CPED1: variants seen among roughly 807,000 people sequenced by gnomAD.
CPED1 encodes cadherin like and PC-esterase domain containing 1, also known as cadherin-like and PC-esterase domain-containing protein 1.
A neutral mutation model predicts 128.2 loss-of-function variants in CPED1; 114 were observed. The observed-to-expected ratio is 0.89, with a 90% CI of 0.76 to 1.04. The LOEUF is 1.04. CPED1 is among the 50% of genes least tolerant of loss of function. The probability of loss-of-function intolerance (pLI) is 0.00; values close to 1 mark genes in which losing one functional copy is unlikely to be tolerated. For missense variants in CPED1, 1,211 were observed against 1,207.1 expected (o/e 1.00, Z -0.05); for synonymous variants, 462 against 426.7 (o/e 1.08, Z -1.02).
chr7:121,107,510 T>A (rs557728236), intron 7 of CPED1, among the ~76,000 whole-genome samples: 11 of 152,154 alleles, frequency 7.2e-5, no homozygotes, highest in Admixed American at 5.9e-4. Context: ...GAGAGAGAAA[T>A]GAATTAGAAT....
intron 14 of CPED1, 25 bp downstream of exon 14, chr7:121,136,115 G>A: frequency 6.5e-7 from 1 of 1,539,960 alleles, no homozygotes. Flanking sequence ...AAGTGTTGTA[G>A]CAGCATAATA....
At chr7:121,049,669 G>T (rs1379145497) in intron 4 of CPED1, among the ~76,000 whole-genome samples, 103 of 152,312 alleles carry the variant, frequency 6.8e-4, no homozygotes, top group Non-Finnish European at 1.0e-4. Flanking sequence ...TTCTAACTGG[G>T]TGTCATGCTG....
intron 7 of CPED1, among the ~76,000 whole-genome samples, chr7:121,118,862 T>C (rs1176101089): frequency 2.6e-5 from 4 of 151,914 alleles, no homozygotes; most frequent in Admixed American, 2.6e-4. Flanking sequence ...AAAAACTAGA[T>C]CTCCTGAGAA....
intron 16 of CPED1, among the ~76,000 whole-genome samples, chr7:121,149,908 T>A (rs894370998): frequency 6.6e-6 from 1 of 152,142 alleles, no homozygotes; most frequent in Non-Finnish European, 1.5e-5. Context: ...TGGGCTTTAA[T>A]TGCTCCAAAA....
intron 22 of CPED1, among the ~76,000 whole-genome samples, chr7:121,290,836 G>A (rs1421854172): frequency 6.6e-6 from 1 of 152,122 alleles, no homozygotes; most frequent in Non-Finnish European, 1.5e-5. Context: ...TTTGGCTTTT[G>A]GTGCCATTGC....
chr7:121,084,287 C>T lies in CPED1; in HGVS notation c.617-13412C>T, dbSNP rs113205042. ...AATGAAATATCTATAACTCGCCTAT[C>T]CACATAATTTTAACAAACCAGTATA... On this transcript the variant is annotated intron_variant, in intron 5 of 22. Coordinates refer to ENST00000310396, the MANE Select transcript of CPED1 (RefSeq NM_024913.5). 7.6e-3 allele frequency among the ~76,000 whole-genome samples: 1,158 copies of T among 152,220 alleles called. 15 individuals carry two copies. The highest frequency in any genetic ancestry group is 0.026 in the African/African-American group (1,100 of 41,522).
chr7:121,283,185 C>CTGG lies in CPED1; in HGVS notation c.2868+11755_2868+11756insTGG, dbSNP rs533625533. On this transcript the variant is annotated intron_variant, in intron 22 of 22. Coordinates refer to ENST00000310396, the MANE Select transcript of CPED1 (RefSeq NM_024913.5). The stretch of plus-strand genomic sequence containing the variant: ...CACACAATTAAAAGTATTAGGACCA[C>CTGG]ATTTATGGTCACTGGATTTATGTAA... Among the ~76,000 whole-genome samples the CTGG allele has an allele frequency of 4.4e-4, 67 of 152,312 alleles. 1 individual carries two copies. The East Asian group carries it at 0.01, about 23-fold the overall frequency.
chr7:121,061,505 G>A (rs1396084787), intron 4 of CPED1, among the ~76,000 whole-genome samples: 1 of 152,176 alleles, frequency 6.6e-6, no homozygotes, highest in East Asian at 1.9e-4. Context: ...GTAACACATG[G>A]CCCACTCTGG....
rs112643064 is a variant in CPED1 at position 121,114,621 on chromosome 7, G to A, written c.919-9710G>A. The stretch of plus-strand genomic sequence containing the variant: ...ATTCTGCCCTGGGATTTCTTTGCAA[G>A]TGTCTTTGTGTTCTTGGTCTAATTG... On this transcript the variant is annotated intron_variant, in intron 7 of 22. Coordinates refer to ENST00000310396, the MANE Select transcript of CPED1 (RefSeq NM_024913.5). Among the ~76,000 whole-genome samples the A allele has an allele frequency of 3.5e-4, 54 of 152,316 alleles. 1 individual carries two copies. Among genetic ancestry groups the A allele is most frequent in the African/African-American group, 1.2e-3 (50 of 41,584 alleles).
intron 16 of CPED1, among the ~76,000 whole-genome samples, chr7:121,227,176 T>A (rs1346124074): frequency 6.6e-6 from 1 of 152,052 alleles, no homozygotes; most frequent in African/African-American, 2.4e-5. Context: ...GCCATATAGG[T>A]CATGTTTACC....
chr7:121,276,387 A>G (rs1792330143), intron 22 of CPED1, among the ~76,000 whole-genome samples: 1 of 152,066 alleles, frequency 6.6e-6, no homozygotes, highest in Non-Finnish European at 1.5e-5. Flanking sequence ...CCTACACTAC[A>G]TTCCAACTGC....
At chr7:121,186,645 A>G (rs1199225034) in intron 16 of CPED1, among the ~76,000 whole-genome samples, 17 of 152,266 alleles carry the variant, frequency 1.1e-4, no homozygotes, top group Non-Finnish European at 1.5e-5. Context: ...GAGACCCTAA[A>G]AAATAAAAAA....
rs144932954 is a variant in CPED1, at chr7:121,124,247, C to T, written c.919-84C>T. ...TGTGACAAGTAGAGATAACCTAGAA[C>T]AATCCTTCAAATTGGTCACCTTGAA... On this transcript the variant is annotated intron_variant, in intron 7 of 22. Transcript: ENST00000310396. The T allele has an allele frequency of 2.4e-5, 31 of 1,314,454 alleles. No individual in the cohort carries two copies. In the African/African-American group the frequency reaches 4.3e-4, roughly 18 times the overall value. The allele number at this position is 1,314,454 out of a possible 1,614,324, so 81.4% of individuals were successfully genotyped here. A position where few individuals can be genotyped will look rare whatever the true frequency, so the allele number is the denominator to read the frequency against.
intron 2 of CPED1, among the ~76,000 whole-genome samples, chr7:121,002,282 G>A (rs1489656272): frequency 6.6e-6 from 1 of 152,030 alleles, no homozygotes; most frequent in Admixed American, 6.6e-5. Context: ...AATGCTTCAG[G>A]AAAAATGGAA....
rs71170227 is a variant in CPED1, at chr7:121,116,977, T to TAC, written c.919-7340_919-7339dup. ...CTCTCTCTCTCTATATATATATATA[T>TAC]ACACACACACACACATATATATACA... On this transcript the variant is annotated intron_variant, in intron 7 of 22. Coordinates refer to ENST00000310396, the MANE Select transcript of CPED1 (RefSeq NM_024913.5). Among the ~76,000 whole-genome samples the TAC allele has an allele frequency of 6.5e-3, 792 of 121,708 alleles. 7 individuals carry two copies. Among genetic ancestry groups the TAC allele is most frequent in the African/African-American group, 0.026 (728 of 27,618 alleles). 79.8% of individuals were successfully genotyped at this position (121,708 alleles called of 152,430 possible).
rs752896142 is a variant in CPED1, at chr7:121,162,037, A to G, written c.2055+19896A>G. On this transcript the variant is annotated intron_variant, in intron 16 of 22. Coordinates refer to ENST00000310396, the MANE Select transcript of CPED1 (RefSeq NM_024913.5). ...TTGTCAGATTTTACCACTTTATAAGACAACCATATGTGATGGGCAGTATCA... is the reference window on the plus strand; with the variant it reads ...TTGTCAGATTTTACCACTTTATAAGGCAACCATATGTGATGGGCAGTATCA... Among the ~76,000 whole-genome samples the G allele has an allele frequency of 3.7e-4, 57 of 152,348 alleles. 1 individual carries two copies. The highest frequency in any genetic ancestry group is 7.3e-4 in the Non-Finnish European group (50 of 68,030).
intron 22 of CPED1, among the ~76,000 whole-genome samples, chr7:121,275,481 GAAC>G (rs1792312452): frequency 6.6e-6 from 1 of 152,124 alleles, no homozygotes; most frequent in Admixed American, 6.6e-5. Context: ...CACCTACTGT[GAAC>G]AAGCTAAAAC....
At chr7:121,269,208 A>C (rs1236532740) in intron 21 of CPED1, among the ~76,000 whole-genome samples, 1 of 151,958 alleles carries the variant, frequency 6.6e-6, no homozygotes, top group African/African-American at 2.4e-5. Flanking sequence ...TTCTATCTTT[A>C]TGCATATTCA....
At chr7:121,058,977 G>T (rs1327979524) in intron 4 of CPED1, among the ~76,000 whole-genome samples, 1 of 152,180 alleles carries the variant, frequency 6.6e-6, no homozygotes, top group African/African-American at 2.4e-5. Context: ...ATGGTCATAA[G>T]ATCTGTTATT....
Sources: allele counts gnomAD v4.1 joint callset (sites outside exome capture counted in the v4.1 genomes callset), GRCh38; gene constraint gnomAD v4.1.1; transcripts MANE v1.5; gene names NCBI Gene and HGNC (gene_info 2026-07-23, HGNC 2026-07-21).